The following GCLM variants were observed in gnomAD, a reference collection of about 807,000 sequenced individuals.
GCLM encodes glutamate-cysteine ligase modifier subunit, also known as glutamate--cysteine ligase regulatory subunit.
GCLM carries 15 observed loss-of-function variants against 36.0 expected under a neutral mutation model. The ratio of observed to expected loss-of-function variants is 0.42; its 90% CI spans 0.28 to 0.64. The LOEUF is 0.64. Ranked by LOEUF, GCLM falls within the 30% of genes least tolerant of loss-of-function variation. The pLI is 0.25. For missense variants in GCLM, 242 were observed against 325.5 expected, an observed-to-expected ratio of 0.74 and a Z score of 1.97; for synonymous variants, 129 against 122.8, an observed-to-expected ratio of 1.05 and a Z score of -0.34.
intron 5 of GCLM, among the ~76,000 whole-genome samples, chr1:93,895,571 C>T (rs1392868575): frequency 2.0e-5 from 3 of 152,270 alleles, no homozygotes; most frequent in Non-Finnish European, 4.4e-5. Flanking sequence ...AATTTACATT[C>T]TGAATCATCT....
chr1:93,905,838 G>A (rs1268875119), intron 1 of GCLM, among the ~76,000 whole-genome samples: 1 of 152,056 alleles, frequency 6.6e-6, no homozygotes, highest in Non-Finnish European at 1.5e-5. Flanking sequence ...AAAATATACT[G>A]GTCCATGACT....
intron 6 of GCLM, among the ~76,000 whole-genome samples, chr1:93,889,643 ATGT>A (rs995884228): frequency 1.3e-5 from 2 of 151,512 alleles, no homozygotes; most frequent in African/African-American, 4.8e-5. Flanking sequence ...TTATATCTGT[ATGT>A]GTGTGTGTAT....
At chr1:93,893,320 TTTGGCATGATGC>T (rs1234009808) in intron 6 of GCLM, among the ~76,000 whole-genome samples, 5 of 152,196 alleles carry the variant, frequency 3.3e-5, no homozygotes, top group African/African-American at 1.2e-4. Flanking sequence ...CTCTGAGGCA[TTTGGCATGATGC>T]TTGGCATTCA....
At chr1:93,903,321 AT>A (rs963267002) in intron 2 of GCLM, among the ~76,000 whole-genome samples, 2 of 151,190 alleles carry the variant, frequency 1.3e-5, no homozygotes, top group African/African-American at 4.9e-5. Flanking sequence ...TATTATTATT[AT>A]TTTTTTGAGA....
At chr1:93,905,758 C>T (rs1009794631) in intron 1 of GCLM, among the ~76,000 whole-genome samples, 1 of 152,238 alleles carries the variant, frequency 6.6e-6, no homozygotes, top group South Asian at 2.1e-4. Context: ...TGGAACAAAA[C>T]AGTCATAAAG....
intron 3 of GCLM, among the ~76,000 whole-genome samples, chr1:93,899,718 T>G (rs959485922): frequency 3.9e-4 from 59 of 152,304 alleles, no homozygotes; most frequent in Middle Eastern, 3.4e-3. Context: ...ATGCTATTAT[T>G]AATTTTTTTT....
chr1:93,905,741 C>G (rs938148624), intron 1 of GCLM, among the ~76,000 whole-genome samples: 1 of 152,136 alleles, frequency 6.6e-6, no homozygotes, highest in Non-Finnish European at 1.5e-5. Flanking sequence ...GACCTATATA[C>G]ATATAATGGA....
intron 1 of GCLM, among the ~76,000 whole-genome samples, chr1:93,905,000 C>T (rs577777356): frequency 6.6e-6 from 1 of 151,868 alleles, no homozygotes; most frequent in African/African-American, 2.4e-5. Flanking sequence ...ATGGTGAAAC[C>T]CTGTCTCTAC....
At chr1:93,905,389 G>A (rs1381781845) in intron 1 of GCLM, among the ~76,000 whole-genome samples, 1 of 152,032 alleles carries the variant, frequency 6.6e-6, no homozygotes, top group African/African-American at 2.4e-5. Context: ...TCAGACTCCT[G>A]AGCCTAATCC....
intron 3 of GCLM, among the ~76,000 whole-genome samples, chr1:93,898,443 T>C (rs1656821511): frequency 6.6e-6 from 1 of 152,062 alleles, no homozygotes; most frequent in Admixed American, 6.5e-5. Context: ...TGGTTTACCT[T>C]TATGTAATAA....
At chr1:93,903,664 A>G (rs1657043771) in intron 2 of GCLM, among the ~76,000 whole-genome samples, 1 of 152,290 alleles carries the variant, frequency 6.6e-6, no homozygotes, top group African/African-American at 2.4e-5. Context: ...TCCTGAGTGC[A>G]GCAGAAAAAA....
rs1341798585 is a variant in GCLM at position 93,887,902 on chromosome 1, T to G, written c.*1088A>C. 6.6e-6 allele frequency: 1 copy of G among 152,244 alleles called. No individual in the cohort carries two copies. The highest frequency in any genetic ancestry group is 1.5e-5 in the Non-Finnish European group (1 of 68,042). The allele number at this position is 152,244 out of a possible 1,614,324, so 9.4% of individuals were successfully genotyped here. A position where few individuals can be genotyped will look rare whatever the true frequency, so the allele number is the denominator to read the frequency against. ...TGCAATTTTGTGGTTCGTAAACTAATGAAGAATTATACTAAATGACCTATA... is the reference window on the plus strand; with the variant it reads ...TGCAATTTTGTGGTTCGTAAACTAAGGAAGAATTATACTAAATGACCTATA... On this transcript the variant is annotated 3_prime_UTR_variant, in exon 7 of 7. Transcript: ENST00000370238.
At chr1:93,903,610 G>A (rs111275974) in intron 2 of GCLM, among the ~76,000 whole-genome samples, 33 of 151,968 alleles carry the variant, frequency 2.2e-4, no homozygotes, top group African/African-American at 7.0e-4. Flanking sequence ...GAGCCACTGC[G>A]CCCAGCCTGT....
intron 2 of GCLM, among the ~76,000 whole-genome samples, chr1:93,901,896 G>GT (rs1656964860): frequency 1.3e-5 from 2 of 151,516 alleles, no homozygotes; most frequent in South Asian, 4.2e-4. Context: ...CTAGGAAAAT[G>GT]TATCTCATTT....
intron 5 of GCLM, 23 bp from the exon 6 acceptor site, chr1:93,894,751 G>C: frequency 1.9e-6 from 2 of 1,054,268 alleles, no homozygotes; most frequent in East Asian, 2.4e-5. Context: ...ATAAAATCAT[G>C]ATATCACTAC....
At chr1:93,895,188 G>C (rs745828506) in intron 5 of GCLM, among the ~76,000 whole-genome samples, 1 of 151,560 alleles carries the variant, frequency 6.6e-6, no homozygotes, top group Non-Finnish European at 1.5e-5. Flanking sequence ...CTAATTTTTT[G>C]TATTTTTAGT....
intron 5 of GCLM, 152 bp from the exon 6 acceptor site, chr1:93,894,880 A>C: frequency 1.7e-6 from 1 of 573,224 alleles, no homozygotes; most frequent in Non-Finnish European, 3.1e-6. Context: ...TTACATTAAT[A>C]TCTTTATTAA....
Position 93,886,644 on chromosome 1 carries a change from A to G in GCLM, c.*2346T>C, listed in dbSNP as rs1437542349. 1 of 152,114 alleles carries G rather than the reference A, an allele frequency of 6.6e-6. No homozygotes were observed. Among genetic ancestry groups the G allele is most frequent in the Non-Finnish European group, 1.5e-5 (1 of 68,024 alleles). The allele number at this position is 152,114 out of a possible 1,614,324, so 9.4% of individuals were successfully genotyped here. On this transcript the variant is annotated 3_prime_UTR_variant, in exon 7 of 7. Transcript: ENST00000370238. ...TGAGGGTGCAGGTAGGAGATCACCA[A>G]AAAGCTCTGCTGAAGTTTAGATACA...
chr1:93,905,649 T>C (rs1308206159), intron 1 of GCLM, among the ~76,000 whole-genome samples: 3 of 152,206 alleles, frequency 2.0e-5, no homozygotes, highest in Non-Finnish European at 4.4e-5. Flanking sequence ...TGTAAATTAA[T>C]TCAAACATAC....
Sources: allele counts gnomAD v4.1 joint callset (sites outside exome capture counted in the v4.1 genomes callset), GRCh38; gene constraint gnomAD v4.1.1; transcripts MANE v1.5; gene names NCBI Gene and HGNC (gene_info 2026-07-23, HGNC 2026-07-21).